The following IL1RAPL2 variants were observed in gnomAD, a reference collection of about 807,000 sequenced individuals.
The protein encoded by IL1RAPL2 is interleukin 1 receptor accessory protein like 2, also known as X-linked interleukin-1 receptor accessory protein-like 2.
A neutral mutation model predicts 44.1 loss-of-function variants in IL1RAPL2; 3 were observed. The observed-to-expected ratio is 0.07, with a 90% CI of 0.03 to 0.18. The LOEUF (loss-of-function observed/expected upper bound fraction) is 0.18, where lower values mean the gene tolerates loss of function less well. IL1RAPL2 is among the 10% of genes least tolerant of loss of function. The pLI is 1.00. For synonymous variants in IL1RAPL2, 181 were observed against 178.8 expected (o/e 1.01, Z -0.10); for missense variants, 391 against 496.4 (o/e 0.79, Z 2.02).
At chrX:105,731,007 G>A (rs920734811) in intron 7 of IL1RAPL2, among the ~76,000 whole-genome samples, 1 of 110,592 alleles carries the variant, frequency 9.0e-6, no homozygotes, top group Non-Finnish European at 1.9e-5. Context: ...CCCCAAATTA[G>A]TAGAATGAAA....
At chrX:104,674,992 CTTCT>C (rs1246363583) in intron 2 of IL1RAPL2, among the ~76,000 whole-genome samples, 1 of 110,552 alleles carries the variant, frequency 9.0e-6, no homozygotes, top group African/African-American at 3.3e-5. Context: ...TCTCTCTTTT[CTTCT>C]TTATTAGTCT....
intron 1 of IL1RAPL2, among the ~76,000 whole-genome samples, chrX:104,611,259 G>A (rs935028751): frequency 2.2e-4 from 25 of 111,347 alleles, no homozygotes; most frequent in African/African-American, 8.2e-4. Flanking sequence ...TGTGCCCACA[G>A]AGCACCTTCC....
In IL1RAPL2 at chrX:105,395,016, T is replaced by C. The variant is rs775384815; in HGVS notation, c.698-89297T>C. Among the ~76,000 whole-genome samples the C allele has an allele frequency of 3.6e-5, 4 of 111,607 alleles. No homozygotes were observed. In the South Asian group the frequency reaches 1.5e-3, roughly 41 times the overall value. On this transcript the variant is annotated intron_variant, in intron 5 of 10. Coordinates refer to ENST00000372582, the MANE Select transcript of IL1RAPL2 (RefSeq NM_017416.2). ...TTAGTAACTAATTGCCTTCTAATTA[T>C]TTTATATGTGTTGGTTTTACCTCTG...
chrX:104,820,555 G>A (rs1921273308), intron 2 of IL1RAPL2, among the ~76,000 whole-genome samples: 1 of 111,751 alleles, frequency 8.9e-6, no homozygotes, highest in South Asian at 3.7e-4. Context: ...ATGCTACATT[G>A]TGACCTCAGC....
At chrX:104,870,358 A>G (rs1042725761) in intron 2 of IL1RAPL2, among the ~76,000 whole-genome samples, 4 of 112,519 alleles carry the variant, frequency 3.6e-5, no homozygotes, top group African/African-American at 1.3e-4. Flanking sequence ...TATTGCTTTG[A>G]AACATATTCC....
At chrX:105,637,797 A>C (rs748604763) in intron 6 of IL1RAPL2, among the ~76,000 whole-genome samples, 5 of 109,356 alleles carry the variant, frequency 4.6e-5, no homozygotes, top group Non-Finnish European at 9.5e-5. Context: ...TTGAAGCTGG[A>C]AGACTGATTG....
chrX:105,469,847 T>A (rs1388996129), intron 5 of IL1RAPL2, among the ~76,000 whole-genome samples: 1 of 111,445 alleles, frequency 9.0e-6, no homozygotes, highest in Non-Finnish European at 1.9e-5. Context: ...ATAAAGTTAT[T>A]GAAAGCATTA....
At chrX:105,374,945 CAAAAAAAAAAAAA>C (rs149097097) in intron 5 of IL1RAPL2, among the ~76,000 whole-genome samples, 1 of 29,116 alleles carries the variant, frequency 3.4e-5, no homozygotes, top group East Asian at 1.4e-3. Flanking sequence ...GACTCCATCT[CAAAAAAAAAAAAA>C]AAAAAAAAGA....
At chrX:105,537,109 G>T (rs1456974701) in intron 6 of IL1RAPL2, among the ~76,000 whole-genome samples, 1 of 111,306 alleles carries the variant, frequency 9.0e-6, no homozygotes, top group African/African-American at 3.3e-5. Context: ...ATCTTTTATT[G>T]CATCTAAAGT....
chrX:104,936,719 T>G (rs1191921442), intron 2 of IL1RAPL2, among the ~76,000 whole-genome samples: 1 of 105,519 alleles, frequency 9.5e-6, no homozygotes, highest in African/African-American at 3.5e-5. Flanking sequence ...GCCTCTCAGG[T>G]TCACGCTATT....
intron 2 of IL1RAPL2, among the ~76,000 whole-genome samples, chrX:105,188,313 A>G (rs1265028671): frequency 9.0e-6 from 1 of 111,042 alleles, no homozygotes; most frequent in Non-Finnish European, 1.9e-5. Flanking sequence ...ACCCTGTTAC[A>G]GGGTTTGGTG....
intron 10 of IL1RAPL2, among the ~76,000 whole-genome samples, chrX:105,761,823 T>G (rs1026610308): frequency 8.9e-6 from 1 of 112,246 alleles, no homozygotes; most frequent in African/African-American, 3.2e-5. Context: ...TCTTTTAACT[T>G]CTTAAAAAAT....
chrX:105,023,861 G>GT (rs1309802658), intron 2 of IL1RAPL2, among the ~76,000 whole-genome samples: 1 of 111,230 alleles, frequency 9.0e-6, no homozygotes, highest in Non-Finnish European at 1.9e-5. Context: ...GGTGGTTTTT[G>GT]TAAGTACTTG....
chrX:104,834,188 T>C (rs1387104871), intron 2 of IL1RAPL2, among the ~76,000 whole-genome samples: 1 of 111,920 alleles, frequency 8.9e-6, no homozygotes, highest in Non-Finnish European at 1.9e-5. Flanking sequence ...TCTTGGTGTA[T>C]AAAAACTTTC....
chrX:104,912,497 A>T (rs1404815096), intron 2 of IL1RAPL2, among the ~76,000 whole-genome samples: 1 of 111,833 alleles, frequency 8.9e-6, no homozygotes, highest in Admixed American at 9.6e-5. Context: ...TTTATGAAGC[A>T]TACTGCAGGC....
intron 2 of IL1RAPL2, among the ~76,000 whole-genome samples, chrX:104,724,765 C>A (rs1414537421): frequency 9.0e-6 from 1 of 111,419 alleles, no homozygotes; most frequent in Non-Finnish European, 1.9e-5. Flanking sequence ...TTCCCAACAC[C>A]ATTTATTGAA....
intron 2 of IL1RAPL2, among the ~76,000 whole-genome samples, chrX:105,165,045 C>A (rs2033360795): frequency 9.0e-6 from 1 of 111,599 alleles, no homozygotes; most frequent in Admixed American, 9.5e-5. Flanking sequence ...CCCCAAACTG[C>A]TCCTTCTCCT....
intron 6 of IL1RAPL2, among the ~76,000 whole-genome samples, chrX:105,626,130 A>C (rs188308283): frequency 8.9e-6 from 1 of 112,012 alleles, no homozygotes; most frequent in Admixed American, 9.5e-5. Flanking sequence ...ACATTTCAGC[A>C]TAGGAGGAAC....
intron 2 of IL1RAPL2, among the ~76,000 whole-genome samples, chrX:105,157,879 C>T (rs185750506): frequency 3.5e-4 from 39 of 111,766 alleles, no homozygotes; most frequent in Non-Finnish European, 6.2e-4. Flanking sequence ...GATATGCTTC[C>T]AGCTGTTATT....
Sources: gnomAD v4.1 joint callset for allele counts (sites outside exome capture counted in the v4.1 genomes callset) on GRCh38, gnomAD v4.1.1 for gene constraint, MANE v1.5 for transcripts, NCBI Gene and HGNC (gene_info 2026-07-23, HGNC 2026-07-21) for gene names.